Variants in ZNF676 observed in about 807,000 individuals in gnomAD.
The protein encoded by ZNF676 is zinc finger protein 676.
ZNF676 carries 4 observed loss-of-function variants against 6.0 expected under a neutral mutation model. The observed-to-expected ratio is 0.67, with a 90% CI of 0.33 to 1.53. ZNF676 has a LOEUF of 1.53. Ranked by LOEUF, ZNF676 falls within the 40% of genes most tolerant of loss-of-function variation. The probability of loss-of-function intolerance (pLI) is 0.06; values close to 1 mark genes in which losing one functional copy is unlikely to be tolerated. For missense variants in ZNF676, 644 were observed against 679.7 expected (o/e 0.95, Z 0.58); for synonymous variants, 198 against 223.1 (o/e 0.89, Z 1.00).
intron 2 of ZNF676, among the ~76,000 whole-genome samples, chr19:22,188,684 T>A (rs191951684): frequency 7.2e-4 from 109 of 152,178 alleles, no homozygotes; most frequent in Non-Finnish European, 1.2e-3. Context: ...AAAATCAATG[T>A]GAAAAAATCA....
intron 1 of ZNF676, among the ~76,000 whole-genome samples, chr19:22,206,057 AC>A (rs1555775203): frequency 1.3e-4 from 1 of 7,434 alleles, no homozygotes; most frequent in African/African-American, 1.3e-3. Flanking sequence ...CCAAAACTCA[AC>A]ACACACACAC....
the ZNF676 span, chr19:22,244,581 G>A: frequency 6.6e-6 from 1 of 152,124 alleles, no homozygotes; most frequent in Non-Finnish European, 1.5e-5. Flanking sequence ...CAGGAAGCAG[G>A]GCACAGGCAG....
At chr19:22,229,386 A>T in the ZNF676 span, among the ~76,000 whole-genome samples, 13 of 152,222 alleles carry the variant, frequency 8.5e-5, no homozygotes, top group Admixed American at 1.3e-4. Context: ...TAACACCCCA[A>T]ACCATAAAAA....
the ZNF676 span, among the ~76,000 whole-genome samples, chr19:22,252,838 C>A: frequency 6.6e-6 from 1 of 152,244 alleles, no homozygotes; most frequent in Non-Finnish European, 1.5e-5. Flanking sequence ...GATGTCACTA[C>A]CCAGTCTGTG....
chr19:22,248,372 AG>A, the ZNF676 span, among the ~76,000 whole-genome samples: 1 of 152,240 alleles, frequency 6.6e-6, no homozygotes, highest in Non-Finnish European at 1.5e-5. Flanking sequence ...ACAGTGTAAA[AG>A]TGTTCCTATT....
intron 1 of ZNF676, among the ~76,000 whole-genome samples, chr19:22,194,635 C>G (rs2023948011): frequency 6.6e-6 from 1 of 152,112 alleles, no homozygotes; most frequent in South Asian, 2.1e-4. Flanking sequence ...GGATTCTGTC[C>G]TCGCTGTAAC....
At chr19:22,220,176 T>C (rs1399623211), upstream of ZNF676, among the ~76,000 whole-genome samples, 1 of 152,214 alleles carries the variant, frequency 6.6e-6, no homozygotes, top group African/African-American at 2.4e-5. Flanking sequence ...ATGTTCTTGA[T>C]TATGGTGTAC....
chr19:22,254,433 AG>A, the ZNF676 span, among the ~76,000 whole-genome samples: 1 of 152,232 alleles, frequency 6.6e-6, no homozygotes, highest in African/African-American at 2.4e-5. Context: ...GGCAGGGCAC[AG>A]GCAGGAGCCT....
At chr19:22,213,822 C>T (rs1239570236) in intron 1 of ZNF676, among the ~76,000 whole-genome samples, 1 of 152,154 alleles carries the variant, frequency 6.6e-6, no homozygotes, top group Non-Finnish European at 1.5e-5. Flanking sequence ...TGGCCAGTAT[C>T]TTGGTTTTTC....
At chr19:22,255,806 C>G in the ZNF676 span, among the ~76,000 whole-genome samples, 1 of 150,948 alleles carries the variant, frequency 6.6e-6, no homozygotes, top group African/African-American at 2.4e-5. Flanking sequence ...GATAGTGCCA[C>G]TGCACTCCTG....
In ZNF676 at chr19:22,184,720, CT is replaced by C. The variant is rs539150346; in HGVS notation, c.131-3135del. 3.0e-4 allele frequency among the ~76,000 whole-genome samples: 44 copies of C among 148,706 alleles called. No individual in the cohort carries two copies. The South Asian group carries it at 9.1e-3, about 31-fold the overall frequency. ...CCATTGCTGAGGCTTGAGTAGGCAG[CT>C]TTACCCTATAAAGCCACCCAGAAGA... On this transcript the variant is annotated intron_variant, in intron 2 of 2. Transcript: ENST00000397121.
At chr19:22,194,809 G>T (rs879153172) in intron 1 of ZNF676, among the ~76,000 whole-genome samples, 1 of 152,028 alleles carries the variant, frequency 6.6e-6, no homozygotes, top group Non-Finnish European at 1.5e-5. Flanking sequence ...CCACTTCAAG[G>T]GTTGGTCCCA....
chr19:22,228,785 A>G, the ZNF676 span, among the ~76,000 whole-genome samples: 1 of 152,216 alleles, frequency 6.6e-6, no homozygotes, highest in Non-Finnish European at 1.5e-5. Flanking sequence ...ATAACTAGGA[A>G]TACAACTTCC....
intron 2 of ZNF676, among the ~76,000 whole-genome samples, chr19:22,189,710 AG>A (rs1467929074): frequency 6.6e-6 from 1 of 152,190 alleles, no homozygotes; most frequent in African/African-American, 2.4e-5. Context: ...AATTGGGCAA[AG>A]GATATGAACA....
chr19:22,235,654 C>T, the ZNF676 span, among the ~76,000 whole-genome samples: 42 of 152,254 alleles, frequency 2.8e-4, no homozygotes, highest in South Asian at 1.2e-3. Context: ...TTTGCTATTT[C>T]TTGCTCACTG....
At chr19:22,199,141 T>C (rs760599865), upstream of ZNF676, among the ~76,000 whole-genome samples, 1 of 152,118 alleles carries the variant, frequency 6.6e-6, no homozygotes, top group Non-Finnish European at 1.5e-5. Flanking sequence ...CTAAGGAGCT[T>C]ATAAATGACT....
At chr19:22,183,093 T>C (rs1599710028) in intron 2 of ZNF676, among the ~76,000 whole-genome samples, 1 of 151,998 alleles carries the variant, frequency 6.6e-6, no homozygotes, top group South Asian at 2.1e-4. Flanking sequence ...TTAGAGGTTT[T>C]ATGTAATCCC....
chr19:22,224,073 C>T, the ZNF676 span, among the ~76,000 whole-genome samples: 1 of 151,136 alleles, frequency 6.6e-6, no homozygotes, highest in East Asian at 1.9e-4. Flanking sequence ...TTAAGTTTTA[C>T]TGCCATGCAG....
upstream of ZNF676, among the ~76,000 whole-genome samples, chr19:22,197,424 A>G (rs1235956358): frequency 6.6e-6 from 1 of 151,982 alleles, no homozygotes; most frequent in African/African-American, 2.4e-5. Flanking sequence ...GGTATGACTC[A>G]AATTTTAATG....
Sources: gnomAD v4.1 joint callset for allele counts (sites outside exome capture counted in the v4.1 genomes callset) on GRCh38, gnomAD v4.1.1 for gene constraint, MANE v1.5 for transcripts, NCBI Gene and HGNC (gene_info 2026-07-23, HGNC 2026-07-21) for gene names.